ST8SIA4: variants seen among roughly 807,000 people sequenced by gnomAD.
ST8SIA4 encodes the protein ST8 alpha-N-acetyl-neuraminide alpha-2,8-sialyltransferase 4.
In ST8SIA4, 15 loss-of-function variants were observed where a neutral mutation model predicts 33.9. That is an observed-to-expected ratio of 0.44 (90% CI 0.30 to 0.68). The LOEUF (loss-of-function observed/expected upper bound fraction) is 0.68, where lower values mean the gene tolerates loss of function less well. Ranked by LOEUF, ST8SIA4 falls within the 30% of genes least tolerant of loss-of-function variation. The pLI is 0.10. For missense variants in ST8SIA4, 321 were observed against 428.0 expected, an observed-to-expected ratio of 0.75 and a Z score of 2.21; for synonymous variants, 171 against 151.2, an observed-to-expected ratio of 1.13 and a Z score of -0.96.
At chr5:100,892,939 C>T (rs1222699914) in intron 2 of ST8SIA4, among the ~76,000 whole-genome samples, 1 of 151,950 alleles carries the variant, frequency 6.6e-6, no homozygotes, top group Non-Finnish European at 1.5e-5. Flanking sequence ...ACCACCATGG[C>T]ACATATGTAC....
intron 4 of ST8SIA4, among the ~76,000 whole-genome samples, chr5:100,815,824 C>T (rs1750904990): frequency 1.3e-5 from 2 of 151,930 alleles, no homozygotes; most frequent in African/African-American, 4.8e-5. Context: ...TCTTTGGAGC[C>T]CAGTTAACAA....
intron 4 of ST8SIA4, among the ~76,000 whole-genome samples, chr5:100,813,038 C>G (rs770529078): frequency 6.6e-6 from 1 of 151,964 alleles, no homozygotes; most frequent in Admixed American, 6.6e-5. Context: ...GTTTTTCTAT[C>G]GTCTTCTATT....
At chr5:100,884,538 C>G (rs1752496330) in intron 3 of ST8SIA4, among the ~76,000 whole-genome samples, 1 of 152,106 alleles carries the variant, frequency 6.6e-6, no homozygotes, top group South Asian at 2.1e-4. Context: ...GGCTATATAA[C>G]TTCTAGAAAT....
rs1301017715 is a variant in ST8SIA4 at position 100,809,052 on chromosome 5, A to C, written c.*2795T>G. On this transcript the variant is annotated 3_prime_UTR_variant, in exon 5 of 5. Coordinates refer to ENST00000231461, the MANE Select transcript of ST8SIA4 (RefSeq NM_005668.6). Reference sequence around the variant, plus strand: ...AGTAATGTGAAAAAGCTAAAAAGGCACTACTCAATGCATCTATGAGATAAA... The same window carrying C: ...AGTAATGTGAAAAAGCTAAAAAGGCCCTACTCAATGCATCTATGAGATAAA... 1 of 152,650 alleles carries C rather than the reference A, an allele frequency of 6.6e-6. No homozygotes were observed. Among genetic ancestry groups the C allele is most frequent in the African/African-American group, 2.4e-5 (1 of 41,458 alleles). The allele number at this position is 152,650 out of a possible 1,614,324, so 9.5% of individuals were successfully genotyped here.
At chr5:100,859,050 G>T (rs1391863930) in intron 3 of ST8SIA4, among the ~76,000 whole-genome samples, 1 of 151,940 alleles carries the variant, frequency 6.6e-6, no homozygotes, top group Non-Finnish European at 1.5e-5. Context: ...CAGATTTTTA[G>T]TCATATAATT....
intron 2 of ST8SIA4, among the ~76,000 whole-genome samples, chr5:100,892,453 C>T (rs1372619155): frequency 2.6e-5 from 4 of 151,982 alleles, no homozygotes; most frequent in Non-Finnish European, 5.9e-5. Flanking sequence ...GTAACAGAAC[C>T]ATCTCTCATA....
Position 100,811,871 on chromosome 5 carries a change from T to A in ST8SIA4, c.1056A>T (p.Thr352=). The change falls in exon 5 of 5, where the codon ACA becomes ACT. Residue 352 remains threonine (T), a synonymous_variant. Coordinates refer to ENST00000231461, the MANE Select transcript of ST8SIA4 (RefSeq NM_005668.6). ...VLHNRGALKL[T]TGKCVKQ Reference sequence around the variant, plus strand: ...TTTATTGCTTTACACACTTTCCTGTTGTCAGTTTTAGAGCTCCTCTATTAT... The same window carrying A: ...TTTATTGCTTTACACACTTTCCTGTAGTCAGTTTTAGAGCTCCTCTATTAT... 1 of 1,612,652 alleles carries A rather than the reference T, an allele frequency of 6.2e-7. No individual in the cohort carries two copies. The highest frequency in any genetic ancestry group is 8.5e-7 in the Non-Finnish European group (1 of 1,179,404).
rs1184619197 is a variant in ST8SIA4, at chr5:100,895,645, G to T, written c.245+9C>A. The T allele has an allele frequency of 1.2e-6, 2 of 1,603,508 alleles. No homozygotes were observed. The highest frequency in any genetic ancestry group is 2.2e-5 in the East Asian group (1 of 44,706). On this transcript the variant is annotated intron_variant, in intron 2 of 4. Transcript: ENST00000231461. Reference sequence around the variant, plus strand: ...GTGAAATTTATTATGCCTTAGTAAAGAAACTCACCTTATCTCTAGGACCAA... The same window carrying T: ...GTGAAATTTATTATGCCTTAGTAAATAAACTCACCTTATCTCTAGGACCAA...
At chr5:100,899,590 G>C (rs552961309) in intron 1 of ST8SIA4, among the ~76,000 whole-genome samples, 1 of 152,308 alleles carries the variant, frequency 6.6e-6, no homozygotes, top group South Asian at 2.1e-4. Flanking sequence ...AGAAAAGTAA[G>C]TTAGTCTCAT....
Position 100,807,940 on chromosome 5 carries a change from A to G in ST8SIA4, c.*3907T>C, listed in dbSNP as rs2112387952. 1 of 152,700 alleles carries G rather than the reference A, an allele frequency of 6.5e-6. No homozygotes were observed. Among genetic ancestry groups the G allele is most frequent in the Admixed American group, 6.5e-5 (1 of 15,302 alleles). The allele number at this position is 152,700 out of a possible 1,614,324, so 9.5% of individuals were successfully genotyped here. ...CTTTATTTGGATTTTCTTTCATCAA[A>G]TACAAATAATAACCCTCACTCAATT... On this transcript the variant is annotated 3_prime_UTR_variant, in exon 5 of 5. Coordinates refer to ENST00000231461, the MANE Select transcript of ST8SIA4 (RefSeq NM_005668.6).
chr5:100,844,252 T>G (rs1751523840), intron 4 of ST8SIA4, among the ~76,000 whole-genome samples: 1 of 151,990 alleles, frequency 6.6e-6, no homozygotes, highest in Non-Finnish European at 1.5e-5. Flanking sequence ...ATAATGTGAT[T>G]TGATTGATCT....
rs1456190108 is a variant in ST8SIA4 at position 100,807,594 on chromosome 5, A to G, written c.*4253T>C. 1.3e-5 allele frequency: 2 copies of G among 152,508 alleles called. No homozygotes were observed. The highest frequency in any genetic ancestry group is 1.3e-4 in the Admixed American group (2 of 15,276). 9.4% of individuals were successfully genotyped at this position (152,508 alleles called of 1,614,324 possible). A position where few individuals can be genotyped will look rare whatever the true frequency, so the allele number is the denominator to read the frequency against. On this transcript the variant is annotated 3_prime_UTR_variant, in exon 5 of 5. Transcript: ENST00000231461. ...TTCTTTATTATTAAGATTTGGACAT[A>G]CTAGACCCTTACTGTAACTCTACGT... is the stretch of plus-strand genomic sequence containing the variant.
chr5:100,817,811 TA>T (rs943847457), intron 4 of ST8SIA4, among the ~76,000 whole-genome samples: 22 of 152,152 alleles, frequency 1.4e-4, no homozygotes, highest in African/African-American at 5.3e-4. Context: ...AGACAGACAA[TA>T]AGTGATAGAT....
chr5:100,851,098 T>G (rs1303196935), intron 4 of ST8SIA4, among the ~76,000 whole-genome samples: 1 of 151,564 alleles, frequency 6.6e-6, no homozygotes, highest in Non-Finnish European at 1.5e-5. Flanking sequence ...TAGCTGGGAT[T>G]ACAGGCATGC....
At chr5:100,861,601 A>C (rs933020293) in intron 3 of ST8SIA4, among the ~76,000 whole-genome samples, 1 of 152,192 alleles carries the variant, frequency 6.6e-6, no homozygotes, top group African/African-American at 2.4e-5. Flanking sequence ...AATTTAAATA[A>C]AAATGTTAAA....
chr5:100,853,516 A>T (rs1751747066), intron 4 of ST8SIA4, among the ~76,000 whole-genome samples: 1 of 152,212 alleles, frequency 6.6e-6, no homozygotes, highest in Non-Finnish European at 1.5e-5. Context: ...AATATGCCTA[A>T]TTCATAGTAA....
chr5:100,854,033 C>G (rs1273215230), intron 4 of ST8SIA4, among the ~76,000 whole-genome samples: 2 of 139,352 alleles, frequency 1.4e-5, no homozygotes, highest in Non-Finnish European at 3.3e-5. Flanking sequence ...GAAACATTAT[C>G]TTTTTAAGGT....
At chr5:100,827,890 T>C (rs1751176778) in intron 4 of ST8SIA4, among the ~76,000 whole-genome samples, 1 of 152,266 alleles carries the variant, frequency 6.6e-6, no homozygotes, top group South Asian at 2.1e-4. Flanking sequence ...AGATTTCCTA[T>C]GTTTTATTGT....
At chr5:100,830,345 T>A (rs989278944) in intron 4 of ST8SIA4, among the ~76,000 whole-genome samples, 1 of 152,230 alleles carries the variant, frequency 6.6e-6, no homozygotes, top group Non-Finnish European at 1.5e-5. Flanking sequence ...AAAATGGGAA[T>A]ATTATTTACC....
Sources: gnomAD v4.1 joint callset for allele counts (sites outside exome capture counted in the v4.1 genomes callset) on GRCh38, gnomAD v4.1.1 for gene constraint, MANE v1.5 for transcripts, NCBI Gene and HGNC (gene_info 2026-07-23, HGNC 2026-07-21) for gene names.